The following SLC25A48 variants were observed in gnomAD, a reference collection of about 807,000 sequenced individuals.
SLC25A48 encodes the protein solute carrier family 25 member 48.
SLC25A48 carries 29 observed loss-of-function variants against 32.2 expected under a neutral mutation model. That is an observed-to-expected ratio of 0.90 (90% CI 0.67 to 1.23). SLC25A48 has a LOEUF of 1.23. SLC25A48 is among the 50% of genes most tolerant of loss of function. SLC25A48 has a pLI of 0.00. For missense variants in SLC25A48, 399 were observed against 422.7 expected, an observed-to-expected ratio of 0.94 and a Z score of 0.49; for synonymous variants, 164 against 172.3, an observed-to-expected ratio of 0.95 and a Z score of 0.38.
At chr5:135,764,323 C>T (rs1580852554) in intron 3 of SLC25A48, among the ~76,000 whole-genome samples, 1 of 151,934 alleles carries the variant, frequency 6.6e-6, no homozygotes. Flanking sequence ...AGGGTGTACA[C>T]CCCCCTGTGA....
intron 3 of SLC25A48, among the ~76,000 whole-genome samples, chr5:135,665,658 G>A (rs1753505431): frequency 6.6e-6 from 1 of 151,652 alleles, no homozygotes; most frequent in Non-Finnish European, 1.5e-5. Flanking sequence ...AGTTTTCCCA[G>A]CACCATTTAT....
At chr5:135,876,207 TA>T (rs1311915363) in intron 6 of SLC25A48, 18 of 130,958 alleles carry the variant, frequency 1.4e-4, no homozygotes, top group African/African-American at 5.0e-4. Context: ...TAGAGGGATA[TA>T]AAAGTGTTTC....
At chr5:135,751,565 G>A (rs1755771081) in intron 3 of SLC25A48, among the ~76,000 whole-genome samples, 1 of 152,188 alleles carries the variant, frequency 6.6e-6, no homozygotes, top group Non-Finnish European at 1.5e-5. Flanking sequence ...CAGGTGCAGT[G>A]GCTCACACCT....
chr5:135,830,260 A>T (rs1350716101), upstream of SLC25A48, among the ~76,000 whole-genome samples: 5 of 152,230 alleles, frequency 3.3e-5, no homozygotes, highest in Non-Finnish European at 7.3e-5. Flanking sequence ...GAGAGCCTCA[A>T]GCGCTGCGCA....
At chr5:135,842,571 ACT>A in intron 2 of SLC25A48, 112 bp downstream of exon 2, 4 of 1,143,382 alleles carry the variant, frequency 3.5e-6, no homozygotes, top group Non-Finnish European at 5.2e-6. Flanking sequence ...CCCAGGGCAG[ACT>A]CTCTGTTGCC....
intron 3 of SLC25A48, among the ~76,000 whole-genome samples, chr5:135,745,689 C>A (rs1195733043): frequency 6.6e-6 from 1 of 152,196 alleles, no homozygotes; most frequent in Non-Finnish European, 1.5e-5. Context: ...TAGTTGCTAG[C>A]TCACGTGTTT....
intron 3 of SLC25A48, among the ~76,000 whole-genome samples, chr5:135,801,603 C>A (rs1005314340): frequency 6.6e-6 from 1 of 151,110 alleles, no homozygotes; most frequent in African/African-American, 2.4e-5. Context: ...AGGTGTACAC[C>A]CTCTGTTACA....
At chr5:135,824,873 C>A (rs1757989833) in intron 4 of SLC25A48, 1 of 152,242 alleles carries the variant, frequency 6.6e-6, no homozygotes. Context: ...CCGCATCCTT[C>A]AAACCTCTCT....
At chr5:135,638,112 G>T (rs2521968) in intron 3 of SLC25A48, among the ~76,000 whole-genome samples, 70,187 of 151,946 alleles carry the variant, frequency 0.46, 16,498 homozygotes, top group Middle Eastern at 0.51. Context: ...TAACATATTC[G>T]CTGCAATTGT....
intron 3 of SLC25A48, among the ~76,000 whole-genome samples, chr5:135,753,261 A>G (rs1227796251): frequency 6.6e-6 from 1 of 152,052 alleles, no homozygotes; most frequent in Non-Finnish European, 1.5e-5. Context: ...TATGCATAAT[A>G]TCACAGGGTG....
At chr5:135,790,621 G>A (rs965800553) in intron 3 of SLC25A48, among the ~76,000 whole-genome samples, 19 of 151,134 alleles carry the variant, frequency 1.3e-4, no homozygotes, top group African/African-American at 3.6e-4. Flanking sequence ...CTGGCGAGAT[G>A]TTACATTTAA....
intron 2 of SLC25A48, among the ~76,000 whole-genome samples, chr5:135,843,667 C>T (rs1759188517): frequency 6.6e-6 from 1 of 152,176 alleles, no homozygotes; most frequent in South Asian, 2.1e-4. Context: ...CACAAAGAGC[C>T]AGATACGCAG....
intron 3 of SLC25A48, among the ~76,000 whole-genome samples, chr5:135,754,284 C>T (rs4515294): frequency 0.41 from 61,899 of 151,440 alleles, 14,292 homozygotes; most frequent in Non-Finnish European, 0.52. Flanking sequence ...TATCATAGTG[C>T]GTTGACACTA....
At chr5:135,621,607 G>A (rs943809761) in intron 1 of SLC25A48, among the ~76,000 whole-genome samples, 2 of 152,070 alleles carry the variant, frequency 1.3e-5, no homozygotes, top group Non-Finnish European at 1.5e-5. Flanking sequence ...GTGGGATATA[G>A]GAATGTAGTT....
intron 3 of SLC25A48, among the ~76,000 whole-genome samples, chr5:135,638,711 T>C (rs1752764880): frequency 1.3e-5 from 2 of 152,228 alleles, no homozygotes; most frequent in South Asian, 4.1e-4. Context: ...AGGTATCATG[T>C]CATAGTTTAA....
At chr5:135,774,790 T>G (rs1460316807) in intron 3 of SLC25A48, among the ~76,000 whole-genome samples, 2 of 151,176 alleles carry the variant, frequency 1.3e-5, no homozygotes, top group Admixed American at 6.6e-5. Context: ...GAGAAGAAGA[T>G]GATATTACTC....
At chr5:135,722,288 C>T (rs151283533) in intron 3 of SLC25A48, among the ~76,000 whole-genome samples, 246 of 152,300 alleles carry the variant, frequency 1.6e-3, no homozygotes, top group African/African-American at 5.8e-3. Flanking sequence ...GGGTGTTTGT[C>T]TCTCTGATGG....
intron 1 of SLC25A48, among the ~76,000 whole-genome samples, chr5:135,841,973 G>A (rs1286376792): frequency 2.6e-5 from 4 of 152,168 alleles, no homozygotes; most frequent in African/African-American, 9.7e-5. Context: ...GGTATGGCAT[G>A]TCCTTCACTC....
At chr5:135,582,363 T>A (rs1751253961) in intron 1 of SLC25A48, among the ~76,000 whole-genome samples, 1 of 151,852 alleles carries the variant, frequency 6.6e-6, no homozygotes. Context: ...ACCACAGAGA[T>A]CAGTGTGAAA....
Sources: allele counts gnomAD v4.1 joint callset (sites outside exome capture counted in the v4.1 genomes callset), GRCh38; gene constraint gnomAD v4.1.1; transcripts MANE v1.5; gene names NCBI Gene and HGNC (gene_info 2026-07-23, HGNC 2026-07-21).